Variants in MYO18B observed in about 807,000 individuals in gnomAD.
MYO18B encodes the protein unconventional myosin-XVIIIb.
MYO18B carries 204 observed loss-of-function variants against 273.0 expected under a neutral mutation model. That is an observed-to-expected ratio of 0.75 (90% CI 0.67 to 0.84). MYO18B has a LOEUF of 0.84. Ranked by LOEUF, MYO18B falls within the 40% of genes least tolerant of loss-of-function variation. The probability of loss-of-function intolerance (pLI) is 0.00; values close to 1 mark genes in which losing one functional copy is unlikely to be tolerated. For synonymous variants in MYO18B, 1,330 were observed against 1,305.7 expected, an observed-to-expected ratio of 1.02 and a Z score of -0.40; for missense variants, 3,212 against 3,287.6, an observed-to-expected ratio of 0.98 and a Z score of 0.56.
At chr22:25,925,819 C>A (rs766430344) in intron 34 of MYO18B, among the ~76,000 whole-genome samples, 42 of 145,626 alleles carry the variant, frequency 2.9e-4, no homozygotes, top group Admixed American at 2.1e-4. Flanking sequence ...GCAGGAGAAT[C>A]ACTTGAACCC....
At chr22:25,887,641 C>T (rs1045185390) in intron 25 of MYO18B, among the ~76,000 whole-genome samples, 2 of 152,108 alleles carry the variant, frequency 1.3e-5, no homozygotes, top group Non-Finnish European at 2.9e-5. Context: ...TTTGCAATCG[C>T]CTGACAGCTC....
intron 20 of MYO18B, 86 bp from the exon 21 acceptor site, chr22:25,851,384 C>T (rs1021354272): frequency 2.3e-6 from 2 of 855,924 alleles, no homozygotes; most frequent in Middle Eastern, 2.4e-4. Context: ...CAGGACCCTG[C>T]ACTCCTGTCT....
chr22:25,875,342 A>T (rs2091161038), intron 23 of MYO18B, among the ~76,000 whole-genome samples: 2 of 152,232 alleles, frequency 1.3e-5, no homozygotes, highest in Admixed American at 1.3e-4. Flanking sequence ...AAATAACATG[A>T]TCTTCCTAGG....
chr22:25,983,516 C>G (rs971688869), intron 39 of MYO18B: 26 of 152,166 alleles, frequency 1.7e-4, no homozygotes, highest in Non-Finnish European at 2.5e-4. Context: ...AATAATGAAG[C>G]CTAAAATGAT....
At chr22:25,763,148 G>C in intron 2 of MYO18B, 83 bp from the exon 3 acceptor site, 1 of 1,533,602 alleles carries the variant, frequency 6.5e-7, no homozygotes, top group Non-Finnish European at 9.0e-7. Context: ...CCCCCTCCCA[G>C]GCTCCATCAC....
intron 42 of MYO18B, among the ~76,000 whole-genome samples, chr22:26,005,072 A>G (rs1934312769): frequency 6.6e-6 from 1 of 152,170 alleles, no homozygotes; most frequent in Admixed American, 6.5e-5. Flanking sequence ...AATACATGGA[A>G]TATAATTTTA....
At chr22:25,983,515 G>A (rs976854402) in intron 39 of MYO18B, 2 of 152,280 alleles carry the variant, frequency 1.3e-5, no homozygotes, top group Admixed American at 6.5e-5. Context: ...AAATAATGAA[G>A]CCTAAAATGA....
At chr22:25,914,889 G>A (rs950743935) in intron 33 of MYO18B, among the ~76,000 whole-genome samples, 14 of 150,064 alleles carry the variant, frequency 9.3e-5, no homozygotes, top group Admixed American at 4.0e-4. Context: ...CATAGAGATG[G>A]GGTTTCACTG....
At chr22:25,989,113 G>A (rs2093233301) in intron 39 of MYO18B, among the ~76,000 whole-genome samples, 1 of 152,166 alleles carries the variant, frequency 6.6e-6, no homozygotes, top group Non-Finnish European at 1.5e-5. Flanking sequence ...TGCTGCTCCT[G>A]CATGACACTG....
intron 20 of MYO18B, among the ~76,000 whole-genome samples, chr22:25,850,725 C>T (rs2090401186): frequency 6.6e-6 from 1 of 152,124 alleles, no homozygotes; most frequent in Admixed American, 6.5e-5. Flanking sequence ...GAACGCACCA[C>T]CACGACTGGC....
At chr22:25,769,499 A>C in intron 4 of MYO18B, 71 bp downstream of exon 4, 1 of 1,353,176 alleles carries the variant, frequency 7.4e-7, no homozygotes, top group Non-Finnish European at 9.9e-7. Flanking sequence ...GATGGGAAAG[A>C]TCTGCCCCAG....
rs145974287 is a variant in MYO18B, at chr22:25,931,470, C to T, written c.5517+10061C>T. On this transcript the variant is annotated intron_variant, in intron 34 of 43. Coordinates refer to ENST00000335473, the MANE Select transcript of MYO18B (RefSeq NM_032608.7). ...CTAGTCATGGTGCCAAATATATCAA[C>T]GTCATGACCTGATTATATCCCCCAA... is the stretch of plus-strand genomic sequence containing the variant. Among the ~76,000 whole-genome samples the T allele has an allele frequency of 1.2e-3, 187 of 152,238 alleles. 1 individual carries two copies. The highest frequency in any genetic ancestry group is 4.1e-3 in the African/African-American group (169 of 41,550).
intron 6 of MYO18B, among the ~76,000 whole-genome samples, chr22:25,771,470 A>G (rs756324485): frequency 1.9e-4 from 29 of 152,218 alleles, no homozygotes; most frequent in Non-Finnish European, 4.0e-4. Context: ...ATTGCTTTGA[A>G]TACATTTTTG....
At chr22:25,836,769 T>C (rs2089914294) in intron 17 of MYO18B, among the ~76,000 whole-genome samples, 1 of 152,020 alleles carries the variant, frequency 6.6e-6, no homozygotes, top group Non-Finnish European at 1.5e-5. Context: ...GAGACCAGCA[T>C]GGCCAACGTG....
chr22:25,864,889 A>G (rs546894984), intron 21 of MYO18B, among the ~76,000 whole-genome samples: 1 of 152,370 alleles, frequency 6.6e-6, no homozygotes, highest in East Asian at 1.9e-4. Flanking sequence ...CAATTCCAGT[A>G]CATGGAAGAG....
chr22:25,792,050 G>T (rs2087684274), intron 11 of MYO18B, among the ~76,000 whole-genome samples: 1 of 152,182 alleles, frequency 6.6e-6, no homozygotes. Context: ...GTGCTCTAAG[G>T]TCTGGTCCAC....
At chr22:26,044,260 C>T in the MYO18B span, among the ~76,000 whole-genome samples, 2 of 152,088 alleles carry the variant, frequency 1.3e-5, no homozygotes, top group Admixed American at 1.3e-4. Context: ...GCAATATTTT[C>T]TTCCAGTCTG....
chr22:25,839,020 C>T (rs2089995574), intron 17 of MYO18B, among the ~76,000 whole-genome samples: 2 of 147,510 alleles, frequency 1.4e-5, no homozygotes, highest in Non-Finnish European at 3.0e-5. Flanking sequence ...GTGTGTGCAC[C>T]TGTGTGTGTA....
intron 39 of MYO18B, among the ~76,000 whole-genome samples, chr22:25,964,496 G>A (rs796336390): frequency 4.0e-4 from 61 of 152,220 alleles, no homozygotes; most frequent in African/African-American, 1.3e-3. Flanking sequence ...TGTTAATATT[G>A]CTTCTGATTC....
Sources: gnomAD v4.1 joint callset for allele counts (sites outside exome capture counted in the v4.1 genomes callset) on GRCh38, gnomAD v4.1.1 for gene constraint, MANE v1.5 for transcripts, NCBI Gene and HGNC (gene_info 2026-07-23, HGNC 2026-07-21) for gene names.